SHISA6: variants seen among roughly 807,000 people sequenced by gnomAD.
SHISA6 encodes protein shisa-6.
SHISA6 carries 22 observed loss-of-function variants against 47.9 expected under a neutral mutation model. The observed-to-expected ratio is 0.46, with a 90% CI of 0.33 to 0.66. SHISA6 has a LOEUF of 0.66. Among genes scored for constraint, SHISA6 ranks in the 30% least tolerant of loss-of-function variants. SHISA6 has a pLI of 0.02. For synonymous variants in SHISA6, 388 were observed against 337.8 expected, an observed-to-expected ratio of 1.15 and a Z score of -1.63; for missense variants, 680 against 764.6, an observed-to-expected ratio of 0.89 and a Z score of 1.30.
chr17:11,403,479 A>G (rs1439090072), intron 3 of SHISA6, among the ~76,000 whole-genome samples: 1 of 152,218 alleles, frequency 6.6e-6, no homozygotes, highest in Non-Finnish European at 1.5e-5. Flanking sequence ...TGCTGGCCCC[A>G]TTATTGATGA....
chr17:11,390,833 T>G (rs574878760), intron 3 of SHISA6, among the ~76,000 whole-genome samples: 67 of 152,292 alleles, frequency 4.4e-4, no homozygotes, highest in Middle Eastern at 3.4e-3. Flanking sequence ...ATGTTACATT[T>G]GCCCATTCCA....
intron 3 of SHISA6, among the ~76,000 whole-genome samples, chr17:11,407,331 G>A (rs12942102): frequency 1.3e-5 from 2 of 151,564 alleles, no homozygotes; most frequent in Admixed American, 6.6e-5. Flanking sequence ...GTTCCCCATC[G>A]CTGTGGGGAA....
chr17:11,555,942 A>G (rs1052520249), intron 5 of SHISA6, 50 bp downstream of exon 5: 23 of 1,472,434 alleles, frequency 1.6e-5, no homozygotes, highest in Non-Finnish European at 2.1e-5. Flanking sequence ...GCTCCAAGAT[A>G]TCTTCCTATG....
intron 3 of SHISA6, among the ~76,000 whole-genome samples, chr17:11,391,982 T>TTA (rs1376399941): frequency 6.6e-6 from 1 of 152,198 alleles, no homozygotes; most frequent in Non-Finnish European, 1.5e-5. Flanking sequence ...AACATAGGAC[T>TTA]GAAAAGAAGT....
At chr17:11,426,867 T>C (rs548978192) in intron 3 of SHISA6, among the ~76,000 whole-genome samples, 1 of 152,278 alleles carries the variant, frequency 6.6e-6, no homozygotes, top group African/African-American at 2.4e-5. Context: ...ATATTCCAGA[T>C]CTTCCACTTT....
At chr17:11,291,339 G>T (rs112860152) in intron 2 of SHISA6, among the ~76,000 whole-genome samples, 2,131 of 151,800 alleles carry the variant, frequency 0.014, 33 homozygotes, top group African/African-American at 0.041. Context: ...GCCAGAGACT[G>T]GGTGACTTAA....
At chr17:11,394,548 C>T (rs1452093114) in intron 3 of SHISA6, among the ~76,000 whole-genome samples, 1 of 151,328 alleles carries the variant, frequency 6.6e-6, no homozygotes, top group African/African-American at 2.4e-5. Flanking sequence ...GCTTAATATT[C>T]CTTGTAGATC....
At chr17:11,394,361 T>G (rs1224072458) in intron 3 of SHISA6, among the ~76,000 whole-genome samples, 1 of 152,232 alleles carries the variant, frequency 6.6e-6, no homozygotes, top group Non-Finnish European at 1.5e-5. Flanking sequence ...TCATTTCTAA[T>G]ATTCCAGGAC....
intron 2 of SHISA6, among the ~76,000 whole-genome samples, chr17:11,329,958 T>C (rs935712924): frequency 7.3e-5 from 11 of 150,396 alleles, no homozygotes; most frequent in Non-Finnish European, 1.5e-4. Flanking sequence ...AATTTCATTC[T>C]TGGGAAGGCT....
chr17:11,395,864 G>A (rs905064100), intron 3 of SHISA6, among the ~76,000 whole-genome samples: 2 of 152,022 alleles, frequency 1.3e-5, no homozygotes, highest in African/African-American at 2.4e-5. Context: ...TGATTGCATT[G>A]GATTAATGCC....
intron 2 of SHISA6, among the ~76,000 whole-genome samples, chr17:11,287,204 G>C (rs1037100024): frequency 6.6e-6 from 1 of 150,828 alleles, no homozygotes; most frequent in Non-Finnish European, 1.5e-5. Flanking sequence ...AGGCTGTAGT[G>C]TGTAATGAAA....
At chr17:11,415,958 G>A (rs548075448) in intron 3 of SHISA6, among the ~76,000 whole-genome samples, 3 of 152,190 alleles carry the variant, frequency 2.0e-5, no homozygotes, top group African/African-American at 4.8e-5. Context: ...ATTGTCTGGC[G>A]AGGGATTGCT....
intron 2 of SHISA6, among the ~76,000 whole-genome samples, chr17:11,341,605 A>T (rs1911531973): frequency 6.6e-6 from 1 of 151,946 alleles, no homozygotes; most frequent in South Asian, 2.1e-4. Flanking sequence ...AAGTGCCGGG[A>T]TTACAGGTGT....
chr17:11,275,968 CT>C (rs1908873997), intron 2 of SHISA6, among the ~76,000 whole-genome samples: 1 of 151,136 alleles, frequency 6.6e-6, no homozygotes, highest in Non-Finnish European at 1.5e-5. Context: ...AGACTAGATT[CT>C]GTTTTTTGTT....
chr17:11,359,957 C>T (rs1912206863), intron 2 of SHISA6, among the ~76,000 whole-genome samples: 1 of 152,170 alleles, frequency 6.6e-6, no homozygotes, highest in Non-Finnish European at 1.5e-5. Context: ...CCAGCAATCC[C>T]ATTACTGGGT....
At chr17:11,318,219 A>G (rs1910589359) in intron 2 of SHISA6, among the ~76,000 whole-genome samples, 1 of 152,216 alleles carries the variant, frequency 6.6e-6, no homozygotes, top group African/African-American at 2.4e-5. Context: ...TCATCGTTCC[A>G]TTGTTTTATG....
chr17:11,499,159 G>C (rs956390067), intron 3 of SHISA6, among the ~76,000 whole-genome samples: 1 of 152,144 alleles, frequency 6.6e-6, no homozygotes, highest in Non-Finnish European at 1.5e-5. Flanking sequence ...GCAAGCCCTA[G>C]AACTACCCTG....
chr17:11,485,723 G>A (rs993918792), intron 3 of SHISA6, among the ~76,000 whole-genome samples: 1 of 151,546 alleles, frequency 6.6e-6, no homozygotes, highest in Non-Finnish European at 1.5e-5. Flanking sequence ...AGAGAGAAAA[G>A]GGGGAGAAAA....
chr17:11,560,541 G>A lies in SHISA6; in HGVS notation c.*2237G>A. The A allele has an allele frequency of 6.5e-6, 1 of 152,754 alleles. No homozygotes were observed. Among genetic ancestry groups the A allele is most frequent in the Non-Finnish European group, 1.5e-5 (1 of 68,406 alleles). 9.5% of individuals were successfully genotyped at this position (152,754 alleles called of 1,614,324 possible). On this transcript the variant is annotated 3_prime_UTR_variant, in exon 6 of 6. Transcript: ENST00000441885. Reference sequence around the variant, plus strand: ...CTAATCTGTGGCCATCCCTTGGAAGGCAGGATGCTGGTGGTGAGGGGAAAG... The same window carrying A: ...CTAATCTGTGGCCATCCCTTGGAAGACAGGATGCTGGTGGTGAGGGGAAAG...
Sources: allele counts gnomAD v4.1 joint callset (sites outside exome capture counted in the v4.1 genomes callset), GRCh38; gene constraint gnomAD v4.1.1; transcripts MANE v1.5; gene names NCBI Gene and HGNC (gene_info 2026-07-23, HGNC 2026-07-21).